Variants in DLG2 observed in about 807,000 individuals in gnomAD.
The protein encoded by DLG2 is disks large homolog 2.
Under a neutral mutation model 132.5 loss-of-function variants are expected in DLG2, and 45 were observed. That is an observed-to-expected ratio of 0.34 (90% CI 0.27 to 0.44). The LOEUF is 0.44. DLG2 is among the 20% of genes least tolerant of loss of function. The pLI is 1.00. For synonymous variants in DLG2, 424 were observed against 419.6 expected (o/e 1.01, Z -0.13); for missense variants, 1,045 against 1,196.9 (o/e 0.87, Z 1.87).
rs1041934475 is a variant in DLG2 at position 83,797,257 on chromosome 11, T to C, written c.1723-10465A>G. Among the ~76,000 whole-genome samples the C allele has an allele frequency of 2.6e-5, 4 of 152,110 alleles. No individual in the cohort carries two copies. The South Asian group carries it at 6.2e-4, about 24-fold the overall frequency. On this transcript the variant is annotated intron_variant, in intron 17 of 27. Transcript: ENST00000376104. ...AAGAAGAAGAAGAAGATGATGATGA[T>C]GGTGATGATGGTAGCTGACATGTAC...
At chr11:85,520,862 T>C (rs2074254525) in intron 3 of DLG2, among the ~76,000 whole-genome samples, 1 of 151,768 alleles carries the variant, frequency 6.6e-6, no homozygotes, top group South Asian at 2.1e-4. Flanking sequence ...AAAAATCAAA[T>C]CAAAACGGAT....
At chr11:84,944,605 A>ATTTTTTTTTTTT (rs60502429) in intron 6 of DLG2, among the ~76,000 whole-genome samples, 1 of 133,890 alleles carries the variant, frequency 7.5e-6, no homozygotes, top group Admixed American at 7.6e-5. Flanking sequence ...GTCTCTGTTA[A>ATTTTTTTTTTTT]TTTTTTTTTT....
intron 18 of DLG2, among the ~76,000 whole-genome samples, chr11:83,777,762 A>C (rs1228470557): frequency 6.6e-6 from 1 of 152,198 alleles, no homozygotes; most frequent in African/African-American, 2.4e-5. Context: ...GAGTGGGTGA[A>C]AGATAATTTC....
At chr11:84,386,105 T>C (rs1237452949) in intron 7 of DLG2, among the ~76,000 whole-genome samples, 1 of 152,064 alleles carries the variant, frequency 6.6e-6, no homozygotes, top group Non-Finnish European at 1.5e-5. Context: ...TGAATATATG[T>C]ATTTGTATTT....
chr11:83,499,616 C>G (rs907544408), intron 21 of DLG2, among the ~76,000 whole-genome samples: 53 of 150,810 alleles, frequency 3.5e-4, no homozygotes, highest in African/African-American at 1.3e-3. Context: ...CCTCTACACT[C>G]TCCGTATTGC....
intron 11 of DLG2, among the ~76,000 whole-genome samples, chr11:84,020,445 G>A (rs993109720): frequency 7.2e-5 from 11 of 152,130 alleles, no homozygotes; most frequent in Admixed American, 6.5e-4. Flanking sequence ...TCCACTGTAT[G>A]TTTAATTAAT....
chr11:83,703,885 A>G (rs1185465818), intron 18 of DLG2, among the ~76,000 whole-genome samples: 3 of 152,216 alleles, frequency 2.0e-5, no homozygotes, highest in Non-Finnish European at 4.4e-5. Flanking sequence ...CTTCCCTATT[A>G]TGGAATCTTA....
chr11:83,484,046 G>A (rs977049962), intron 22 of DLG2, 83 bp downstream of exon 22: 3 of 1,106,750 alleles, frequency 2.7e-6, no homozygotes, highest in Non-Finnish European at 4.1e-6. Context: ...TGTGTGGCGT[G>A]GGAGAGCCTA....
At chr11:84,959,238 T>C (rs1032738446) in intron 6 of DLG2, among the ~76,000 whole-genome samples, 4 of 152,200 alleles carry the variant, frequency 2.6e-5, no homozygotes, top group Non-Finnish European at 4.4e-5. Flanking sequence ...GTGATTGCTT[T>C]TGGGTAATAT....
intron 7 of DLG2, among the ~76,000 whole-genome samples, chr11:84,376,681 C>A (rs1447820062): frequency 6.6e-6 from 1 of 151,074 alleles, no homozygotes; most frequent in Admixed American, 6.6e-5. Flanking sequence ...TGAAGCTTCA[C>A]ATTATAAAAG....
intron 21 of DLG2, among the ~76,000 whole-genome samples, chr11:83,507,748 T>C (rs1327537083): frequency 7.7e-6 from 1 of 129,090 alleles, no homozygotes; most frequent in Non-Finnish European, 1.6e-5. Flanking sequence ...TATTTACATA[T>C]ATATTTTTAT....
intron 16 of DLG2, among the ~76,000 whole-genome samples, chr11:83,836,038 G>A (rs765772317): frequency 6.6e-6 from 1 of 152,160 alleles, no homozygotes; most frequent in Admixed American, 6.5e-5. Flanking sequence ...ATTGGAGACC[G>A]AGGAGAGCCA....
intron 6 of DLG2, among the ~76,000 whole-genome samples, chr11:84,678,014 C>T (rs918214556): frequency 1.3e-5 from 2 of 152,000 alleles, no homozygotes; most frequent in East Asian, 3.9e-4. Flanking sequence ...CTGCAGAATG[C>T]CATTAAGTAT....
intron 4 of DLG2, among the ~76,000 whole-genome samples, chr11:85,274,497 G>A (rs2077760318): frequency 6.6e-6 from 1 of 152,142 alleles, no homozygotes; most frequent in Admixed American, 6.6e-5. Context: ...GCATAGCCAA[G>A]TTTACAAATA....
At chr11:84,808,718 T>G (rs1321199408) in intron 6 of DLG2, among the ~76,000 whole-genome samples, 1 of 151,826 alleles carries the variant, frequency 6.6e-6, no homozygotes, top group Non-Finnish European at 1.5e-5. Context: ...AATGTACCAA[T>G]TACCCAAAAA....
chr11:85,458,647 T>A (rs2092500118), intron 3 of DLG2, among the ~76,000 whole-genome samples: 3 of 152,216 alleles, frequency 2.0e-5, no homozygotes, highest in Admixed American at 2.0e-4. Flanking sequence ...CAAGGTCTTA[T>A]TTGTAGTTGA....
chr11:84,509,825 T>A (rs2099252169), intron 7 of DLG2, among the ~76,000 whole-genome samples: 1 of 152,002 alleles, frequency 6.6e-6, no homozygotes, highest in Non-Finnish European at 1.5e-5. Flanking sequence ...TGAAAAATAT[T>A]GTGATTTCCA....
chr11:85,556,867 G>GA (rs1312064761), intron 3 of DLG2, among the ~76,000 whole-genome samples: 4 of 151,568 alleles, frequency 2.6e-5, no homozygotes, highest in Non-Finnish European at 4.4e-5. Context: ...ATATAGAGAT[G>GA]AAAAAAATAT....
chr11:83,503,452 T>TACAC (rs1161538666), intron 21 of DLG2, among the ~76,000 whole-genome samples: 4,064 of 133,410 alleles, frequency 0.03, 145 homozygotes, highest in Middle Eastern at 0.057. Context: ...TATATATTTA[T>TACAC]ACACACACAC....
Sources: allele counts gnomAD v4.1 joint callset (sites outside exome capture counted in the v4.1 genomes callset), GRCh38; gene constraint gnomAD v4.1.1; transcripts MANE v1.5; gene names NCBI Gene and HGNC (gene_info 2026-07-23, HGNC 2026-07-21).